The following SBF2 variants were observed in gnomAD, a reference collection of about 807,000 sequenced individuals.
The protein encoded by SBF2 is SET binding factor 2, also known as myotubularin-related protein 13.
A neutral mutation model predicts 225.2 loss-of-function variants in SBF2; 112 were observed. The observed-to-expected ratio is 0.50, with a 90% CI of 0.43 to 0.58. The LOEUF (loss-of-function observed/expected upper bound fraction) is 0.58. SBF2 is among the 20% of genes least tolerant of loss of function. The probability of loss-of-function intolerance (pLI) is 0.00; values close to 1 mark genes in which losing one functional copy is unlikely to be tolerated. For synonymous variants in SBF2, 763 were observed against 773.3 expected, an observed-to-expected ratio of 0.99 and a Z score of 0.22; for missense variants, 1,996 against 2,206.2, an observed-to-expected ratio of 0.90 and a Z score of 1.91.
chr11:9,936,022 C>A (rs1864871722), intron 16 of SBF2, among the ~76,000 whole-genome samples: 1 of 152,046 alleles, frequency 6.6e-6, no homozygotes, highest in Non-Finnish European at 1.5e-5. Context: ...AATAGGCAAT[C>A]TACAGAATGG....
At chr11:10,093,607 ATATGC>A (rs1404689858) in intron 2 of SBF2, among the ~76,000 whole-genome samples, 2 of 148,968 alleles carry the variant, frequency 1.3e-5, no homozygotes, top group Non-Finnish European at 3.0e-5. Flanking sequence ...GATAATTAAC[ATATGC>A]TAAATATCTA....
intron 2 of SBF2, among the ~76,000 whole-genome samples, chr11:10,068,147 A>C: frequency 6.6e-6 from 1 of 152,268 alleles, no homozygotes; most frequent in East Asian, 1.9e-4. Flanking sequence ...TGCTGCTTGC[A>C]AACTGCCAGC....
intron 2 of SBF2, among the ~76,000 whole-genome samples, chr11:10,193,333 G>A (rs1268809621): frequency 6.9e-6 from 1 of 145,976 alleles, no homozygotes; most frequent in Non-Finnish European, 1.5e-5. Flanking sequence ...TTGAGTATAT[G>A]AAAATCATCA....
At chr11:10,144,506 A>G (rs1436013205) in intron 2 of SBF2, among the ~76,000 whole-genome samples, 2 of 152,168 alleles carry the variant, frequency 1.3e-5, no homozygotes, top group Non-Finnish European at 2.9e-5. Flanking sequence ...ATAAAATAAA[A>G]TAAACATTAA....
chr11:10,261,483 G>A (rs1488283821), intron 1 of SBF2, among the ~76,000 whole-genome samples: 3 of 152,160 alleles, frequency 2.0e-5, no homozygotes, highest in African/African-American at 4.8e-5. Flanking sequence ...GATTACAGGC[G>A]TGAGCCACTG....
chr11:10,121,865 G>A lies in SBF2; in HGVS notation c.141+72037C>T, dbSNP rs556584425. 2.8e-4 allele frequency among the ~76,000 whole-genome samples: 42 copies of A among 152,330 alleles called. 1 individual carries two copies. In the Middle Eastern group the frequency reaches 0.01, roughly 37 times the overall value. On this transcript the variant is annotated intron_variant, in intron 2 of 39. Transcript: ENST00000256190. ...TCACCACTCCATCCAGCCTCGGACA[G>A]AAATCACTCCTTTGTCCAGTGAATC... is the stretch of plus-strand genomic sequence containing the variant.
At chr11:10,071,342 C>T (rs1159827588) in intron 2 of SBF2, among the ~76,000 whole-genome samples, 2 of 147,052 alleles carry the variant, frequency 1.4e-5, no homozygotes, top group African/African-American at 2.5e-5. Context: ...TCTGAGCTCA[C>T]GGCAAGCTCT....
intron 1 of SBF2, among the ~76,000 whole-genome samples, chr11:10,226,344 T>C (rs941535354): frequency 6.6e-6 from 1 of 152,152 alleles, no homozygotes; most frequent in African/African-American, 2.4e-5. Context: ...TTTATTATTA[T>C]TATAGTTTAA....
intron 2 of SBF2, among the ~76,000 whole-genome samples, chr11:10,070,640 G>A (rs187343517): frequency 6.6e-6 from 1 of 152,262 alleles, no homozygotes; most frequent in Non-Finnish European, 1.5e-5. Context: ...TTGGCAATGT[G>A]GGCTCTTTTT....
intron 1 of SBF2, among the ~76,000 whole-genome samples, chr11:10,220,202 T>G (rs1395152196): frequency 6.6e-6 from 1 of 152,166 alleles, no homozygotes; most frequent in African/African-American, 2.4e-5. Flanking sequence ...CAAGAGAGCT[T>G]GTGTAGGGGT....
chr11:9,963,823 T>C lies in SBF2; in HGVS notation c.1660A>G (p.Arg554Gly), dbSNP rs747327346. ...TCAAATATGAATGAGATACAGTTTC[T>C]GACAACTTCTAGTCTTTGTGCACTG... Reference protein sequence around the residue: ...FNSAQRLEVVRNCISFIFENK... With the variant: ...FNSAQRLEVVGNCISFIFENK... Residue 554 changes from arginine (R) to glycine (G), a missense_variant, in exon 15 of 40, where the codon AGA becomes GGA. Coordinates refer to ENST00000256190, the MANE Select transcript of SBF2 (RefSeq NM_030962.4). 6.2e-7 allele frequency: 1 copy of C among 1,611,106 alleles called. No homozygotes were observed. Among genetic ancestry groups the C allele is most frequent in the South Asian group, 1.1e-5 (1 of 90,786 alleles).
At chr11:10,210,008 A>G (rs543782911) in intron 1 of SBF2, among the ~76,000 whole-genome samples, 30 of 152,230 alleles carry the variant, frequency 2.0e-4, no homozygotes, top group Admixed American at 2.0e-4. Flanking sequence ...GTAGAAATCA[A>G]GAAGGAAGGA....
upstream of SBF2, among the ~76,000 whole-genome samples, chr11:10,298,203 C>G (rs1964565827): frequency 6.6e-6 from 1 of 152,094 alleles, no homozygotes; most frequent in East Asian, 1.9e-4. Flanking sequence ...CCAGCCTGAC[C>G]AACATGGTGA....
At chr11:9,996,338 T>C (rs184683788) in intron 9 of SBF2, among the ~76,000 whole-genome samples, 87 of 152,356 alleles carry the variant, frequency 5.7e-4, no homozygotes, top group Middle Eastern at 3.4e-3. Context: ...TATGCAATTA[T>C]GTAGTTAATA....
intron 28 of SBF2, among the ~76,000 whole-genome samples, chr11:9,820,186 C>T (rs917447635): frequency 2.6e-5 from 4 of 152,158 alleles, no homozygotes; most frequent in African/African-American, 9.7e-5. Context: ...TTCAGGATTA[C>T]AATCTTTAAT....
At position 10,279,700 on chromosome 11, in the gene SBF2, G is replaced by C. The variant is rs183040819; in HGVS notation, c.55+14315C>G. On this transcript the variant is annotated intron_variant, in intron 1 of 39. Transcript: ENST00000256190. ...AGTCTCCCTCTGTCACCCAGGCTGG[G>C]GTGCAATGGCACAATCTCAGCTCAC... Among the ~76,000 whole-genome samples the C allele has an allele frequency of 3.8e-3, 580 of 152,024 alleles. 4 individuals carry two copies. The highest frequency in any genetic ancestry group is 5.4e-3 in the South Asian group (26 of 4,806).
At position 9,856,596 on chromosome 11, in the gene SBF2, G is replaced by A. The variant is rs1182726964; in HGVS notation, c.2225C>T (p.Thr742Ile). ...AAAGTGAATGGCCTGACTAAAGACAGTGCTTTCCTCATGTTGCACTAGCTC... is the reference window on the plus strand; with the variant it reads ...AAAGTGAATGGCCTGACTAAAGACAATGCTTTCCTCATGTTGCACTAGCTC... ...QQELVQHEES[T>I]VFSQAIHFAN... The change falls in exon 19 of 40, where the codon ACT becomes ATT. Residue 742 changes from threonine (T) to isoleucine (I), a missense_variant. By Grantham distance (89) the Thr-to-Ile change is moderately conservative. Transcript: ENST00000256190. 6.2e-7 allele frequency: 1 copy of A among 1,614,138 alleles called. No individual in the cohort carries two copies. Among genetic ancestry groups the A allele is most frequent in the East Asian group, 2.2e-5 (1 of 44,872 alleles).
intron 2 of SBF2, among the ~76,000 whole-genome samples, chr11:10,131,891 GATC>G (rs1954077744): frequency 6.6e-6 from 1 of 152,106 alleles, no homozygotes; most frequent in African/African-American, 2.4e-5. Flanking sequence ...ATTTTTTATA[GATC>G]ATGTTTCTTG....
intron 2 of SBF2, among the ~76,000 whole-genome samples, chr11:10,068,844 T>C (rs1950734827): frequency 6.6e-6 from 1 of 152,212 alleles, no homozygotes; most frequent in African/African-American, 2.4e-5. Flanking sequence ...ATACTGATTA[T>C]TTTGAATTCT....
Sources: gnomAD v4.1 joint callset for allele counts (sites outside exome capture counted in the v4.1 genomes callset) on GRCh38, gnomAD v4.1.1 for gene constraint, MANE v1.5 for transcripts, NCBI Gene and HGNC (gene_info 2026-07-23, HGNC 2026-07-21) for gene names.